The following PRMT8 variants were observed in gnomAD, a reference collection of about 807,000 sequenced individuals.
The protein encoded by PRMT8 is protein arginine N-methyltransferase 8.
In PRMT8, 7 loss-of-function variants were observed where a neutral mutation model predicts 47.1. That is an observed-to-expected ratio of 0.15 (90% CI 0.08 to 0.28). The LOEUF (loss-of-function observed/expected upper bound fraction) is 0.28. PRMT8 is among the 10% of genes least tolerant of loss of function. PRMT8 has a pLI of 1.00. For synonymous variants in PRMT8, 188 were observed against 186.5 expected (o/e 1.01, Z -0.07); for missense variants, 237 against 505.4 (o/e 0.47, Z 5.09).
intron 1 of PRMT8, among the ~76,000 whole-genome samples, chr12:3,384,904 G>C (rs999893295): frequency 6.7e-6 from 1 of 148,176 alleles, no homozygotes; most frequent in Non-Finnish European, 1.5e-5. Flanking sequence ...TGACAGTGGA[G>C]CCCTCCAGTC....
chr12:3,448,810 G>A (rs1449222589), intron 1 of PRMT8, among the ~76,000 whole-genome samples: 1 of 152,116 alleles, frequency 6.6e-6, no homozygotes, highest in Non-Finnish European at 1.5e-5. Flanking sequence ...ATGTGCCATG[G>A]TGGTTTGCTG....
At chr12:3,419,977 GGGGGAGAGGGGGAGA>G (rs1450863424) in intron 1 of PRMT8, among the ~76,000 whole-genome samples, 3 of 138,718 alleles carry the variant, frequency 2.2e-5, no homozygotes, top group Admixed American at 7.2e-5. Flanking sequence ...AAGAGGGAGA[GGGGGAGAGGGGGAGA>G]GGGGAGAGGG....
chr12:3,504,922 C>A (rs377663662), intron 1 of PRMT8, among the ~76,000 whole-genome samples: 1,063 of 65,268 alleles, frequency 0.016, 35 homozygotes, highest in African/African-American at 0.063. Context: ...TTTCTTAAGC[C>A]GGTCTGAAAA....
intron 1 of PRMT8, among the ~76,000 whole-genome samples, chr12:3,413,073 T>G (rs1864448248): frequency 6.6e-6 from 1 of 152,208 alleles, no homozygotes; most frequent in Non-Finnish European, 1.5e-5. Flanking sequence ...TGATGTGATT[T>G]TCCTCCAGAA....
At chr12:3,487,911 C>G (rs2137106427), upstream of PRMT8, among the ~76,000 whole-genome samples, 1 of 152,280 alleles carries the variant, frequency 6.6e-6, no homozygotes, top group East Asian at 1.9e-4. Flanking sequence ...TCCTGATGCC[C>G]AAACCTCACT....
chr12:3,420,679 C>T (rs1468630005), intron 1 of PRMT8, among the ~76,000 whole-genome samples: 1 of 152,214 alleles, frequency 6.6e-6, no homozygotes, highest in Non-Finnish European at 1.5e-5. Context: ...GTGTCCAGCT[C>T]AGTCTCTTGC....
At chr12:3,392,598 A>G (rs1740906961) in intron 1 of PRMT8, among the ~76,000 whole-genome samples, 1 of 150,542 alleles carries the variant, frequency 6.6e-6, no homozygotes, top group Admixed American at 6.6e-5. Flanking sequence ...CATTTTCTTA[A>G]TCCAGTCTAT....
At chr12:3,391,996 C>T (rs1864197184) in intron 1 of PRMT8, among the ~76,000 whole-genome samples, 1 of 152,020 alleles carries the variant, frequency 6.6e-6, no homozygotes, top group Non-Finnish European at 1.5e-5. Flanking sequence ...GGATATTGCT[C>T]CTGAGCAAGG....
intron 1 of PRMT8, among the ~76,000 whole-genome samples, chr12:3,424,553 C>A (rs1210710786): frequency 6.6e-6 from 1 of 152,014 alleles, no homozygotes; most frequent in African/African-American, 2.4e-5. Context: ...ATTTGGGGAC[C>A]CCTTTTTCTT....
intron 1 of PRMT8, among the ~76,000 whole-genome samples, chr12:3,537,153 C>A (rs1220934143): frequency 6.6e-6 from 1 of 152,222 alleles, no homozygotes; most frequent in Non-Finnish European, 1.5e-5. Context: ...GGACCTATCT[C>A]TCTGCAACTC....
At chr12:3,490,549 G>GC (rs1008147640), upstream of PRMT8, among the ~76,000 whole-genome samples, 2 of 149,920 alleles carry the variant, frequency 1.3e-5, no homozygotes, top group Non-Finnish European at 3.0e-5. Flanking sequence ...ACTGGAGTGG[G>GC]GGGGGGGGCA....
At position 3,493,742 on chromosome 12, in the gene PRMT8, G is replaced by A. The variant is rs1406276271; in HGVS notation, c.75+2042G>A. Among the ~76,000 whole-genome samples, 1 of 152,238 alleles carries A rather than the reference G, an allele frequency of 6.6e-6. No individual in the cohort carries two copies. Among genetic ancestry groups the A allele is most frequent in the African/African-American group, 2.4e-5 (1 of 41,474 alleles). On this transcript the variant is annotated intron_variant, in intron 1 of 9. Coordinates refer to ENST00000382622, the MANE Select transcript of PRMT8 (RefSeq NM_019854.5). This position sits in a 1 kb window ranked among gnomAD's most constrained non-coding sequence, Gnocchi z 8.2. ...GTTGCACATGCCAGCTCTGCTGAAGGCATCAATGAAAACAGCAGTAGGGGC... is the reference window on the plus strand; with the variant it reads ...GTTGCACATGCCAGCTCTGCTGAAGACATCAATGAAAACAGCAGTAGGGGC...
intron 1 of PRMT8, among the ~76,000 whole-genome samples, chr12:3,401,955 T>G (rs985590033): frequency 6.6e-6 from 1 of 152,188 alleles, no homozygotes. Flanking sequence ...ACCATTGACA[T>G]TCTTCACAGA....
intron 1 of PRMT8, among the ~76,000 whole-genome samples, chr12:3,438,570 G>A (rs1864768949): frequency 1.3e-5 from 2 of 152,156 alleles, no homozygotes; most frequent in Admixed American, 6.5e-5. Flanking sequence ...TTTCTCCCAC[G>A]AGGCCTCAGA....
chr12:3,397,919 C>T (rs7961721), intron 1 of PRMT8, among the ~76,000 whole-genome samples: 2 of 151,760 alleles, frequency 1.3e-5, no homozygotes, highest in African/African-American at 4.9e-5. Context: ...CCTGGTGTGC[C>T]GTTTTTTAAG....
At chr12:3,387,957 A>C (rs1864157428) in intron 1 of PRMT8, among the ~76,000 whole-genome samples, 1 of 152,186 alleles carries the variant, frequency 6.6e-6, no homozygotes, top group Admixed American at 6.5e-5. Context: ...TAACATTAAA[A>C]TAATTTCATT....
intron 1 of PRMT8, among the ~76,000 whole-genome samples, chr12:3,418,156 A>C (rs1002419124): frequency 2.0e-4 from 30 of 152,194 alleles, no homozygotes; most frequent in African/African-American, 7.0e-4. Flanking sequence ...AGATTTTCCC[A>C]TCTAGGCCCC....
Position 3,458,941 on chromosome 12 carries a change from C to T in PRMT8, c.48+77499C>T, listed in dbSNP as rs528438194. On this transcript the variant is annotated intron_variant, in intron 1 of 9. Coordinates refer to the PRMT8 transcript ENST00000452611. ...TGCTCAGAGGTCTCCACTCACAATT[C>T]AGTGGCCTCATCGGGTTGGCACTTG... Among the ~76,000 whole-genome samples, 70 of 152,328 alleles carry T rather than the reference C, an allele frequency of 4.6e-4. 1 individual carries two copies. The Middle Eastern group carries it at 0.02, about 44-fold the overall frequency.
At position 3,566,328 on chromosome 12, in the gene PRMT8, G is replaced by A. The variant is rs1438840960; in HGVS notation, c.482-2378G>A. Among the ~76,000 whole-genome samples the A allele has an allele frequency of 6.6e-6, 1 of 152,122 alleles. No individual in the cohort carries two copies. The highest frequency in any genetic ancestry group is 2.4e-5 in the African/African-American group (1 of 41,422). On this transcript the variant is annotated intron_variant, in intron 4 of 9. Transcript: ENST00000382622. This position sits in a 1 kb window ranked among gnomAD's most constrained non-coding sequence, Gnocchi z 4.7. Reference sequence around the variant, plus strand: ...CTCTCAGTTGAGTTCCTGCCCTGGGGTCTCTGAGACCCAGAGAAACTTCAA... The same window carrying A: ...CTCTCAGTTGAGTTCCTGCCCTGGGATCTCTGAGACCCAGAGAAACTTCAA...
Sources: allele counts gnomAD v4.1 joint callset (sites outside exome capture counted in the v4.1 genomes callset), GRCh38; gene constraint gnomAD v4.1.1; non-coding constraint Gnocchi (gnomAD v3.1); transcripts MANE v1.5; gene names NCBI Gene and HGNC (gene_info 2026-07-23, HGNC 2026-07-21).